Variants in SYT16 observed in about 807,000 individuals in gnomAD.
SYT16 encodes the protein synaptotagmin 16.
A neutral mutation model predicts 61.4 loss-of-function variants in SYT16; 42 were observed. That is an observed-to-expected ratio of 0.68 (90% CI 0.53 to 0.89). SYT16 has a LOEUF of 0.89. Ranked by LOEUF, SYT16 falls within the 40% of genes least tolerant of loss-of-function variation. SYT16 has a pLI of 0.00. For synonymous variants in SYT16, 314 were observed against 302.3 expected, an observed-to-expected ratio of 1.04 and a Z score of -0.40; for missense variants, 804 against 807.3, an observed-to-expected ratio of 1.00 and a Z score of 0.05.
At chr14:61,966,304 T>C (rs1201187827) in intron 1 of SYT16, among the ~76,000 whole-genome samples, 1 of 152,128 alleles carries the variant, frequency 6.6e-6, no homozygotes, top group African/African-American at 2.4e-5. Flanking sequence ...TATAAGCATA[T>C]GAAATAGTAT....
chr14:61,818,044 G>A (rs1212115080), intron 1 of SYT16, among the ~76,000 whole-genome samples: 1 of 152,168 alleles, frequency 6.6e-6, no homozygotes, highest in Non-Finnish European at 1.5e-5. Flanking sequence ...AGGCTTTATG[G>A]TCTAATACTA....
intron 3 of SYT16, among the ~76,000 whole-genome samples, chr14:61,999,736 A>G (rs920101855): frequency 1.4e-4 from 22 of 151,780 alleles, no homozygotes; most frequent in African/African-American, 5.3e-4. Flanking sequence ...TCTAATAAGT[A>G]TGAATGTATT....
chr14:62,018,298 C>CTTTTTTTTTTTTTTTTTTTT lies in SYT16; in HGVS notation c.523+21765_523+21784dup, dbSNP rs776473522. Among the ~76,000 whole-genome samples the CTTTTTTTTTTTTTTTTTTTT allele has an allele frequency of 4.1e-4, 21 of 51,644 alleles. 2 individuals are homozygous for CTTTTTTTTTTTTTTTTTTTT. Among genetic ancestry groups the CTTTTTTTTTTTTTTTTTTTT allele is most frequent in the Non-Finnish European group, 5.6e-4 (17 of 30,196 alleles). 33.9% of individuals were successfully genotyped at this position (51,644 alleles called of 152,430 possible). On this transcript the variant is annotated intron_variant, in intron 3 of 7. Coordinates refer to ENST00000683842, the MANE Select transcript of SYT16 (RefSeq NM_001367656.1). Reference sequence around the variant, plus strand: ...GGGTCTTTCTCTTCTTCTTCTTCTTCTTTTTTTTTTTTTTTTTTTTTTTTT... The same window carrying CTTTTTTTTTTTTTTTTTTTT: ...GGGTCTTTCTCTTCTTCTTCTTCTTCTTTTTTTTTTTTTTTTTTTTTTTTTTTTTTTTTTTTTTTTTTTTT...
At chr14:61,913,306 A>G (rs1376213743) in intron 1 of SYT16, among the ~76,000 whole-genome samples, 1 of 152,214 alleles carries the variant, frequency 6.6e-6, no homozygotes, top group Non-Finnish European at 1.5e-5. Context: ...GAAAGGATGA[A>G]TGAATGATGG....
intron 3 of SYT16, among the ~76,000 whole-genome samples, chr14:62,042,636 A>G (rs550476874): frequency 2.6e-5 from 4 of 152,298 alleles, no homozygotes; most frequent in Admixed American, 1.3e-4. Flanking sequence ...GGTTCTTTCC[A>G]TGATTCTGAA....
At chr14:62,034,399 C>G (rs1198020729) in intron 3 of SYT16, among the ~76,000 whole-genome samples, 1 of 152,142 alleles carries the variant, frequency 6.6e-6, no homozygotes, top group Non-Finnish European at 1.5e-5. Context: ...AAATCCTGTA[C>G]ATGAATATTC....
intron 1 of SYT16, among the ~76,000 whole-genome samples, chr14:61,878,830 G>T (rs905212258): frequency 6.6e-6 from 1 of 152,018 alleles, no homozygotes; most frequent in African/African-American, 2.4e-5. Context: ...ATGTTAGAAA[G>T]ATTTTTGCCA....
At chr14:61,854,770 A>C (rs914907975) in intron 1 of SYT16, among the ~76,000 whole-genome samples, 1 of 152,144 alleles carries the variant, frequency 6.6e-6, no homozygotes, top group African/African-American at 2.4e-5. Flanking sequence ...GTATACATTC[A>C]TATGGAGCAG....
In SYT16 at chr14:62,019,683, C is replaced by T. The variant is rs541263851; in HGVS notation, c.523+23141C>T. Among the ~76,000 whole-genome samples the T allele has an allele frequency of 3.9e-5, 6 of 152,296 alleles. No homozygotes were observed. The East Asian group carries it at 1.2e-3, about 29-fold the overall frequency. On this transcript the variant is annotated intron_variant, in intron 3 of 7. Transcript: ENST00000683842. ...TTTGCTTCTTCATGGGGTACGTTTGCAAACACAGTGAGTCCTCTTTTGCTA... is the reference window on the plus strand; with the variant it reads ...TTTGCTTCTTCATGGGGTACGTTTGTAAACACAGTGAGTCCTCTTTTGCTA...
At chr14:61,860,627 G>C (rs114988120) in intron 1 of SYT16, among the ~76,000 whole-genome samples, 25 of 152,192 alleles carry the variant, frequency 1.6e-4, no homozygotes, top group Middle Eastern at 3.4e-3. Flanking sequence ...ATAATAGATT[G>C]GAAATAAAAA....
At chr14:61,833,670 G>A (rs2046017216) in intron 1 of SYT16, among the ~76,000 whole-genome samples, 1 of 144,388 alleles carries the variant, frequency 6.9e-6, no homozygotes, top group Non-Finnish European at 1.5e-5. Context: ...CCAAAGTGCT[G>A]GGATTACAGA....
intron 3 of SYT16, among the ~76,000 whole-genome samples, chr14:62,044,345 A>G (rs1253139652): frequency 6.6e-6 from 1 of 152,238 alleles, no homozygotes; most frequent in Non-Finnish European, 1.5e-5. Flanking sequence ...CAGGTTTGTT[A>G]CATAGGTATA....
chr14:62,017,010 C>G (rs1289371015), intron 3 of SYT16, among the ~76,000 whole-genome samples: 1 of 152,094 alleles, frequency 6.6e-6, no homozygotes, highest in Non-Finnish European at 1.5e-5. Flanking sequence ...TTAAATTTTG[C>G]TGAAATTCTG....
chr14:61,838,798 G>A (rs2046211386), intron 1 of SYT16, among the ~76,000 whole-genome samples: 1 of 152,144 alleles, frequency 6.6e-6, no homozygotes, highest in African/African-American at 2.4e-5. Context: ...GAAAAATACT[G>A]ATAGTAGCAA....
At chr14:62,096,511 CAG>C (rs2057279518) in intron 7 of SYT16, among the ~76,000 whole-genome samples, 2 of 151,786 alleles carry the variant, frequency 1.3e-5, no homozygotes, top group South Asian at 2.1e-4. Context: ...ACATTACACA[CAG>C]AAGATAAAAT....
chr14:61,820,286 C>T (rs1419385914), intron 1 of SYT16, among the ~76,000 whole-genome samples: 1 of 152,124 alleles, frequency 6.6e-6, no homozygotes, highest in African/African-American at 2.4e-5. Flanking sequence ...GGAGAATTCA[C>T]TGATGGGCTG....
At chr14:62,057,936 C>G (rs1165437091) in intron 3 of SYT16, among the ~76,000 whole-genome samples, 2 of 152,168 alleles carry the variant, frequency 1.3e-5, no homozygotes, top group East Asian at 3.8e-4. Flanking sequence ...TAATCCATCT[C>G]TCTCTCTAAC....
At chr14:62,075,604 T>TAAAAAAAAAAAAAA (rs376818967) in intron 5 of SYT16, among the ~76,000 whole-genome samples, 21 of 61,396 alleles carry the variant, frequency 3.4e-4, no homozygotes, top group African/African-American at 1.5e-3. Context: ...GGATGAACGG[T>TAAAAAAAAAAAAAA]AAAAAAAAAA....
chr14:61,879,192 G>A (rs2047604906), intron 1 of SYT16, among the ~76,000 whole-genome samples: 1 of 152,264 alleles, frequency 6.6e-6, no homozygotes, highest in Non-Finnish European at 1.5e-5. Context: ...GACCAAAGCA[G>A]CCAGGACAAC....
Sources: allele counts gnomAD v4.1 joint callset (sites outside exome capture counted in the v4.1 genomes callset), GRCh38; gene constraint gnomAD v4.1.1; transcripts MANE v1.5; gene names NCBI Gene and HGNC (gene_info 2026-07-23, HGNC 2026-07-21).